Variants in ADCY10 observed in about 807,000 individuals in gnomAD.
ADCY10 encodes the protein adenylate cyclase 10.
In ADCY10, 156 loss-of-function variants were observed where a neutral mutation model predicts 183.3. The ratio of observed to expected loss-of-function variants is 0.85; its 90% CI spans 0.75 to 0.97. The LOEUF (loss-of-function observed/expected upper bound fraction) is 0.97. ADCY10 is among the 50% of genes least tolerant of loss of function. ADCY10 has a pLI of 0.00. For synonymous variants in ADCY10, 645 were observed against 670.0 expected, an observed-to-expected ratio of 0.96 and a Z score of 0.58; for missense variants, 1,745 against 1,934.3, an observed-to-expected ratio of 0.90 and a Z score of 1.84.
intron 14 of ADCY10, among the ~76,000 whole-genome samples, chr1:167,864,934 T>C (rs1426531785): frequency 6.6e-6 from 1 of 151,196 alleles, no homozygotes; most frequent in Non-Finnish European, 1.5e-5. Flanking sequence ...GCAAAATTTA[T>C]GTAAAAAGAG....
intron 25 of ADCY10, among the ~76,000 whole-genome samples, chr1:167,830,169 T>G (rs1663605917): frequency 6.6e-6 from 1 of 152,134 alleles, no homozygotes; most frequent in South Asian, 2.1e-4. Context: ...AATTGACTAT[T>G]CCCCTAGCTG....
At chr1:167,832,843 G>GC in intron 25 of ADCY10, 144 bp downstream of exon 25, 3 of 810,044 alleles carry the variant, frequency 3.7e-6, no homozygotes, top group Non-Finnish European at 5.9e-6. Context: ...TCCCACACTC[G>GC]CCCCCTCCCC....
intron 8 of ADCY10, among the ~76,000 whole-genome samples, chr1:167,888,882 AAAAAAAAAG>A (rs1668415530): frequency 1.3e-5 from 2 of 151,196 alleles, no homozygotes; most frequent in South Asian, 4.2e-4. Context: ...TCTCAAAAAA[AAAAAAAAAG>A]AAAAAGAAAG....
intron 26 of ADCY10, among the ~76,000 whole-genome samples, chr1:167,827,414 C>T (rs1663385190): frequency 6.6e-6 from 1 of 151,648 alleles, no homozygotes; most frequent in Non-Finnish European, 1.5e-5. Context: ...GATCCGCCCA[C>T]CTCGGCCTCC....
intron 18 of ADCY10, 54 bp downstream of exon 18, chr1:167,854,299 A>G (rs900623686): frequency 6.2e-7 from 1 of 1,612,514 alleles, no homozygotes; most frequent in African/African-American, 1.3e-5. Context: ...TCTCTGAATG[A>G]AGACTTAAGT....
intron 26 of ADCY10, among the ~76,000 whole-genome samples, chr1:167,825,603 G>A (rs536764749): frequency 5.3e-5 from 8 of 152,198 alleles, no homozygotes; most frequent in Admixed American, 1.3e-4. Flanking sequence ...GCAATATAGT[G>A]AGACCTGATC....
At chr1:167,903,445 T>C (rs1032657709) in intron 3 of ADCY10, among the ~76,000 whole-genome samples, 1 of 150,094 alleles carries the variant, frequency 6.7e-6, no homozygotes, top group Non-Finnish European at 1.5e-5. Context: ...GCGCCTGTAA[T>C]CCTAGCTACT....
chr1:167,819,841 AG>A (rs1371333611), intron 30 of ADCY10: 30 of 694,370 alleles, frequency 4.3e-5, no homozygotes, highest in Non-Finnish European at 7.1e-5. Flanking sequence ...CTGGGATTAC[AG>A]GTGTCAGCCA....
intron 11 of ADCY10, among the ~76,000 whole-genome samples, chr1:167,879,601 C>T (rs11590762): frequency 0.068 from 10,394 of 152,164 alleles, 401 homozygotes; most frequent in Middle Eastern, 0.11. Flanking sequence ...TGTATCATTT[C>T]AGACATAACT....
chr1:167,882,718 G>A (rs11588521), intron 9 of ADCY10, among the ~76,000 whole-genome samples: 2 of 73,958 alleles, frequency 2.7e-5, no homozygotes, highest in African/African-American at 1.2e-4. Flanking sequence ...GTAGCCCAGC[G>A]TAGTGAGAGG....
intron 25 of ADCY10, among the ~76,000 whole-genome samples, chr1:167,831,437 G>GC (rs1216701502): frequency 6.6e-6 from 1 of 152,020 alleles, no homozygotes; most frequent in Non-Finnish European, 1.5e-5. Flanking sequence ...CAGGCAATCC[G>GC]CCCCCCTCAG....
At chr1:167,875,245 A>T in intron 12 of ADCY10, 59 bp from the exon 13 acceptor site, 13 of 1,529,548 alleles carry the variant, frequency 8.5e-6, no homozygotes, top group Non-Finnish European at 1.2e-5. Context: ...ATTGAGAGCA[A>T]GAGTGATTAG....
intron 21 of ADCY10, among the ~76,000 whole-genome samples, chr1:167,844,983 C>A (rs984788235): frequency 6.6e-5 from 10 of 152,172 alleles, no homozygotes; most frequent in Non-Finnish European, 1.3e-4. Context: ...CTTACACCCC[C>A]TGAATCCTCT....
At chr1:167,815,588 A>C (rs538127583) in intron 31 of ADCY10, among the ~76,000 whole-genome samples, 1 of 152,174 alleles carries the variant, frequency 6.6e-6, no homozygotes, top group Non-Finnish European at 1.5e-5. Context: ...ATTACTAAAG[A>C]CTTATTTAGA....
Position 167,875,127 on chromosome 1 carries a change from C to T in ADCY10, c.1462+4G>A. 1.9e-6 allele frequency: 3 copies of T among 1,613,596 alleles called. No homozygotes were observed. Among genetic ancestry groups the T allele is most frequent in the Non-Finnish European group, 8.5e-7 (1 of 1,179,492 alleles). ...GAAGTTTAAAATCAAGGCCTACTAC[C>T]TACCCAGCAAAGGGTAATCCTCCTT... is the stretch of plus-strand genomic sequence containing the variant. On this transcript the variant is annotated splice_donor_region_variant and intron_variant, in intron 13 of 32. Coordinates refer to ENST00000367851, the MANE Select transcript of ADCY10 (RefSeq NM_018417.6).
chr1:167,826,024 G>A (rs1368666691), intron 26 of ADCY10, among the ~76,000 whole-genome samples: 1 of 152,172 alleles, frequency 6.6e-6, no homozygotes, highest in Non-Finnish European at 1.5e-5. Flanking sequence ...TGGGAGTATT[G>A]GGGTCGGGGA....
In ADCY10 at chr1:167,880,769, C is replaced by G. The variant is rs141043839; in HGVS notation, c.1021-160G>C. 1.9e-4 allele frequency among the ~76,000 whole-genome samples: 29 copies of G among 152,316 alleles called. 1 individual carries two copies. The highest frequency in any genetic ancestry group is 5.2e-4 in the Admixed American group (8 of 15,298). On this transcript the variant is annotated intron_variant, in intron 9 of 32. Transcript: ENST00000367851. ...TTTTATTTTTAGTACACTTCAAACACTTCTACTGCATCATCAACAGGAGGG... is the reference window on the plus strand; with the variant it reads ...TTTTATTTTTAGTACACTTCAAACAGTTCTACTGCATCATCAACAGGAGGG...
chr1:167,835,699 G>C (rs1205097977), intron 23 of ADCY10, among the ~76,000 whole-genome samples: 1 of 152,110 alleles, frequency 6.6e-6, no homozygotes, highest in African/African-American at 2.4e-5. Context: ...GACCAGCCTG[G>C]GCAACATAGT....
chr1:167,849,082 C>T (rs560837163), intron 18 of ADCY10, among the ~76,000 whole-genome samples: 99 of 152,144 alleles, frequency 6.5e-4, no homozygotes, highest in South Asian at 1.7e-3. Context: ...GCTTTACAAA[C>T]GTTTGATTCA....
Sources: gnomAD v4.1 joint callset for allele counts (sites outside exome capture counted in the v4.1 genomes callset) on GRCh38, gnomAD v4.1.1 for gene constraint, MANE v1.5 for transcripts, NCBI Gene and HGNC (gene_info 2026-07-23, HGNC 2026-07-21) for gene names.